The following RNF213 variants were observed in gnomAD, a reference collection of about 807,000 sequenced individuals.
RNF213 encodes ring finger protein 213, also known as E3 ubiquitin-protein ligase RNF213.
RNF213 carries 341 observed loss-of-function variants against 514.4 expected under a neutral mutation model. That is an observed-to-expected ratio of 0.66 (90% confidence interval 0.61 to 0.73). The LOEUF (loss-of-function observed/expected upper bound fraction) is 0.73. Ranked by LOEUF, RNF213 falls within the 30% of genes least tolerant of loss-of-function variation. The pLI, the probability that RNF213 is intolerant of heterozygous loss-of-function variation, is 0.00. For synonymous variants in RNF213, 2,655 were observed against 2,658.2 expected (o/e 1.00, Z 0.04); for missense variants, 5,767 against 6,615.6 (o/e 0.87, Z 4.45).
At chr17:80,357,341 G>A (rs939748490) in intron 36 of RNF213, among the ~76,000 whole-genome samples, 1 of 152,036 alleles carries the variant, frequency 6.6e-6, no homozygotes, top group African/African-American at 2.4e-5. Context: ...CTTTCTGTCT[G>A]CCTATCTGTG....
rs147895486 is a variant in RNF213 at position 80,373,147 on chromosome 17, G to A, written c.12924G>A (p.Lys4308=). ...PGRPHQWVFP[K]DVVKQQGLRQ... The stretch of plus-strand genomic sequence containing the variant: ...GCCCGCACCAGTGGGTGTTTCCCAA[G>A]GACGTTGTCAAGCAGCAGGTGAGAA... Residue 4308 remains lysine (K), a synonymous_variant, in exon 49 of 68, where the codon AAG becomes AAA. Coordinates refer to ENST00000582970, the MANE Select transcript of RNF213 (RefSeq NM_001256071.3). The A allele has an allele frequency of 2.0e-5, 32 of 1,611,802 alleles. No homozygotes were observed. The African/African-American group carries it at 4.1e-4, about 21-fold the overall frequency.
At position 80,289,818 on chromosome 17, in the gene RNF213, G is replaced by C; in HGVS notation, c.1093G>C (p.Val365Leu). The stretch of plus-strand genomic sequence containing the variant: ...GGAGCAAAAAAACCAGGAAGCAGAT[G>C]TCCAGGAAGTGAAGGCAAGGTAGGG... The part of the protein sequence containing the change: ...EKEQKNQEAD[V>L]QEVKASTLSP... Residue 365 changes from valine to leucine, a missense_variant, in exon 6 of 68, where the codon GTC becomes CTC. Physicochemically the swap from Val to Leu is conservative, Grantham distance 32 (BLOSUM62 1). Coordinates refer to ENST00000582970, the MANE Select transcript of RNF213 (RefSeq NM_001256071.3). The C allele has an allele frequency of 1.9e-6, 3 of 1,611,216 alleles. No individual in the cohort carries two copies. Among genetic ancestry groups the C allele is most frequent in the Non-Finnish European group, 2.5e-6 (3 of 1,178,928 alleles).
intron 6 of RNF213, 138 bp from the exon 7 acceptor site, chr17:80,290,432 C>A (rs35057778): frequency 1.6e-4 from 157 of 996,874 alleles, no homozygotes; most frequent in Middle Eastern, 3.1e-4. Context: ...CGAGTGTGCG[C>A]GTGTGTGCAT....
chr17:80,319,325 T>C lies in RNF213; in HGVS notation c.3024+13T>C, dbSNP rs2046058072. The C allele has an allele frequency of 6.2e-7, 1 of 1,613,962 alleles. No homozygotes were observed. ...CTCAGCCTGCCAGGTGAACAATCTC[T>C]CCTCCTGGGAAACGGATTCGGGCTC... On this transcript the variant is annotated intron_variant, in intron 17 of 67. Transcript: ENST00000582970.
intron 39 of RNF213, among the ~76,000 whole-genome samples, 182 bp from the exon 40 acceptor site, chr17:80,362,920 C>T (rs1411683858): frequency 2.0e-5 from 3 of 152,188 alleles, no homozygotes; most frequent in African/African-American, 7.2e-5. Flanking sequence ...CCAGACGACA[C>T]GGTGACCTTA....
intron 21 of RNF213, among the ~76,000 whole-genome samples, chr17:80,332,878 A>T (rs571422844): frequency 6.6e-6 from 1 of 152,264 alleles, no homozygotes; most frequent in South Asian, 2.1e-4. Context: ...TCAAGAACTC[A>T]GGAAAGGGCA....
chr17:80,292,620 C>T (rs766021274), intron 8 of RNF213, among the ~76,000 whole-genome samples: 3 of 152,018 alleles, frequency 2.0e-5, no homozygotes, highest in Admixed American at 6.6e-5. Context: ...TGTCAATAGA[C>T]GCGGGCGCTT....
intron 14 of RNF213, 45 bp from the exon 15 acceptor site, chr17:80,312,967 G>C (rs765928818): frequency 6.2e-7 from 1 of 1,612,260 alleles, no homozygotes; most frequent in African/African-American, 1.3e-5. Context: ...GGGAACCTGA[G>C]TCCACAGCCG....
chr17:80,337,209 C>T (rs1410230568), intron 23 of RNF213, among the ~76,000 whole-genome samples: 1 of 152,232 alleles, frequency 6.6e-6, no homozygotes, highest in Non-Finnish European at 1.5e-5. Context: ...TTGCTTCCAG[C>T]GTCACCCCCA....
Position 80,372,617 on chromosome 17 carries a change from A to T in RNF213, c.12634A>T (p.Ser4212Cys), listed in dbSNP as rs748734616. 3.1e-6 allele frequency: 5 copies of T among 1,614,058 alleles called. No homozygotes were observed. In the Admixed American group the frequency reaches 8.3e-5, roughly 27 times the overall value. The change falls in exon 48 of 68, where the codon AGC becomes TGC. Residue 4212 changes from serine (S) to cysteine (C), a missense_variant. Physicochemically the swap from Ser to Cys is moderately radical, Grantham distance 112. Coordinates refer to ENST00000582970, the MANE Select transcript of RNF213 (RefSeq NM_001256071.3). Reference protein sequence around the residue: ...GRFLKAYSPASRGREPANEAS... With the variant: ...GRFLKAYSPACRGREPANEAS... The stretch of plus-strand genomic sequence containing the variant: ...TTTCCTTAAGGCATATTCTCCAGCA[A>T]GCCGGGGCCGAGAGCCTGCCAACGA...
intron 3 of RNF213, among the ~76,000 whole-genome samples, chr17:80,283,492 C>G (rs775627824): frequency 6.6e-6 from 1 of 152,236 alleles, no homozygotes; most frequent in Non-Finnish European, 1.5e-5. Context: ...TCCACAGCCC[C>G]GTGTTGTGGG....
At position 80,361,875 on chromosome 17, in the gene RNF213, A is replaced by G. The variant is rs777024483; in HGVS notation, c.11342A>G (p.Glu3781Gly). The change falls in exon 39 of 68, where the codon GAG becomes GGG. Residue 3781 changes from glutamate (E) to glycine (G), a missense_variant. Around this residue, in one of 13 missense-constraint regions of RNF213, gnomAD observed 355 missense variants for 358.0 expected, o/e 0.99. Coordinates refer to ENST00000582970, the MANE Select transcript of RNF213 (RefSeq NM_001256071.3). ...FILLTMRVST[E>G]EELKFLQMAL... The stretch of plus-strand genomic sequence containing the variant: ...CTCTTGACCATGCGTGTGTCAACGG[A>G]GGAGGAATTAAAGGTAGATGTTTAG... 4.3e-6 allele frequency: 7 copies of G among 1,612,814 alleles called. No homozygotes were observed. The highest frequency in any genetic ancestry group is 5.9e-6 in the Non-Finnish European group (7 of 1,179,248).
Position 80,348,013 on chromosome 17 carries a change from C to T in RNF213, c.9678C>T (p.Cys3226=), listed in dbSNP as rs768341680. 88 of 1,614,098 alleles carry T rather than the reference C, an allele frequency of 5.5e-5. No homozygotes were observed. Among genetic ancestry groups the T allele is most frequent in the South Asian group, 1.2e-4 (11 of 91,092 alleles). ...DVFIGYHSDA[C]ASVVLQVIER... ...TCATCGGCTACCACTCGGACGCCTG[C>T]GCGTCTGTGGTGCTGCAGGTCATAG... Residue 3226 remains cysteine, a synonymous_variant, in exon 29 of 68, where the codon TGC becomes TGT. Coordinates refer to ENST00000582970, the MANE Select transcript of RNF213 (RefSeq NM_001256071.3).
rs1010305613 is a variant in RNF213 at position 80,337,672 on chromosome 17, G to A, written c.4614G>A (p.Thr1538=). ...AACGCTCATCCCTGACCCTGGCCAC[G>A]GCCATCAACCAAAGAGGCATCTATG... ...SVERSSLTLA[T]AINQRGIYVI... The change falls in exon 24 of 68, where the codon ACG becomes ACA. Residue 1538 remains threonine (T), a synonymous_variant. Coordinates refer to ENST00000582970, the MANE Select transcript of RNF213 (RefSeq NM_001256071.3). 5 of 1,537,166 alleles carry A rather than the reference G, an allele frequency of 3.3e-6. No homozygotes were observed. Among genetic ancestry groups the A allele is most frequent in the Admixed American group, 2.0e-5 (1 of 50,984 alleles).
Position 80,353,568 on chromosome 17 carries a change from A to T in RNF213, c.10480A>T (p.Ser3494Cys), listed in dbSNP as rs2078613729. Residue 3494 changes from serine to cysteine, a missense_variant, in exon 34 of 68, where the codon AGC becomes TGC. Ser to Cys is a moderately radical substitution (Grantham distance 112, BLOSUM62 -1). This residue lies in a region of RNF213 where 919 missense variants were observed against 1,121.0 expected (regional missense o/e 0.82). Transcript: ENST00000582970. This position sits in a 1 kb window ranked among gnomAD's most constrained non-coding sequence, Gnocchi z 5.0. ...TGAGGAGGCGATGGAGACGGAGGCC[A>T]GCACATCAGGGGAGGTGGCAGAGGT... ...GHEEAMETEASTSGEVAEVAE... is the reference protein window; with the variant it reads ...GHEEAMETEACTSGEVAEVAE... 10 of 1,613,862 alleles carry T rather than the reference A, an allele frequency of 6.2e-6. No homozygotes were observed. The highest frequency in any genetic ancestry group is 8.5e-6 in the Non-Finnish European group (10 of 1,179,912).
chr17:80,353,723 A>G lies in RNF213; in HGVS notation c.10578+57A>G. ...GCTGCTGGTGATGCTTCTGAGCTGC[A>G]TCTTTAAACGCTTTTGCATTGGGAG... is the stretch of plus-strand genomic sequence containing the variant. On this transcript the variant is annotated intron_variant, in intron 34 of 67. Coordinates refer to ENST00000582970, the MANE Select transcript of RNF213 (RefSeq NM_001256071.3). This position sits in a 1 kb window ranked among gnomAD's most constrained non-coding sequence, Gnocchi z 5.0. 6.2e-7 allele frequency: 1 copy of G among 1,610,098 alleles called. No homozygotes were observed. Among genetic ancestry groups the G allele is most frequent in the Non-Finnish European group, 8.5e-7 (1 of 1,176,484 alleles).
At chr17:80,367,376 A>C (rs529162386) in intron 42 of RNF213, among the ~76,000 whole-genome samples, 45 of 152,348 alleles carry the variant, frequency 3.0e-4, no homozygotes, top group African/African-American at 1.1e-3. Context: ...TAAAAAATTT[A>C]AAAATTTTAA....
In RNF213 at chr17:80,360,217, C is replaced by A; in HGVS notation, c.11200+11C>A. 1 of 1,609,660 alleles carries A rather than the reference C, an allele frequency of 6.2e-7. No homozygotes were observed. Among genetic ancestry groups the A allele is most frequent in the Non-Finnish European group, 8.5e-7 (1 of 1,177,940 alleles). The stretch of plus-strand genomic sequence containing the variant: ...TCACAGACGCAGAAGGTGAGGCTAC[C>A]TCAAGACAGGTCAGATTCAGCACAG... On this transcript the variant is annotated intron_variant, in intron 38 of 67. Transcript: ENST00000582970.
chr17:80,374,536 G>C lies in RNF213; in HGVS notation c.13021G>C (p.Val4341Leu), dbSNP rs1463111845. ...GDEYKALRDA[V>L]AKAVLECKPL... ...TGAATACAAGGCTCTCCGTGATGCT[G>C]TGGCCAAAGCTGTCCTCGAGTGCAA... Residue 4341 changes from valine (V) to leucine (L), a missense_variant, in exon 50 of 68, where the codon GTG (valine) becomes CTG (leucine). This residue lies in a region of RNF213 where 1,245 missense variants were observed against 1,339.0 expected (regional missense o/e 0.93). Transcript: ENST00000582970. 1 of 1,614,226 alleles carries C rather than the reference G, an allele frequency of 6.2e-7. No individual in the cohort carries two copies. The highest frequency in any genetic ancestry group is 1.7e-5 in the Admixed American group (1 of 60,030).
Sources: allele counts gnomAD v4.1 joint callset (sites outside exome capture counted in the v4.1 genomes callset), GRCh38; gene constraint gnomAD v4.1.1; regional missense constraint gnomAD v4.1.1; non-coding constraint Gnocchi (gnomAD v3.1); transcripts MANE v1.5; gene names NCBI Gene and HGNC (gene_info 2026-07-23, HGNC 2026-07-21).